The following MLKL variants were observed in gnomAD, a reference collection of about 807,000 sequenced individuals.
The protein encoded by MLKL is mixed lineage kinase domain-like protein.
A neutral mutation model predicts 56.5 loss-of-function variants in MLKL; 55 were observed. That is an observed-to-expected ratio of 0.97 (90% CI 0.78 to 1.22). The LOEUF (loss-of-function observed/expected upper bound fraction) is 1.22, where lower values mean the gene tolerates loss of function less well. Among genes scored for constraint, MLKL ranks in the 50% most tolerant of loss-of-function variants. MLKL has a pLI of 0.00. For missense variants in MLKL, 694 were observed against 573.9 expected (o/e 1.21, Z -2.14); for synonymous variants, 251 against 208.3 (o/e 1.20, Z -1.76).
intron 4 of MLKL, 97 bp from the exon 5 acceptor site, chr16:74,685,680 T>A: frequency 2.3e-6 from 2 of 887,364 alleles, no homozygotes; most frequent in East Asian, 2.6e-5. Flanking sequence ...GGGGCGGGGG[T>A]ATCAGCATCT....
chr16:74,699,136 A>G (rs543212129), intron 1 of MLKL, among the ~76,000 whole-genome samples: 4 of 152,116 alleles, frequency 2.6e-5, no homozygotes, highest in South Asian at 4.1e-4. Flanking sequence ...AAAACAAAAA[A>G]AAAGAAAGAA....
chr16:74,679,657 T>C (rs1334131293), intron 6 of MLKL, among the ~76,000 whole-genome samples: 2 of 151,822 alleles, frequency 1.3e-5, no homozygotes, highest in South Asian at 2.1e-4. Context: ...TTAATAAAAA[T>C]ACAAAAAAAT....
chr16:74,691,551 G>C lies in MLKL; in HGVS notation c.536-88C>G, dbSNP rs1267089340. 11 of 1,398,496 alleles carry C rather than the reference G, an allele frequency of 7.9e-6. No homozygotes were observed. In the East Asian group the frequency reaches 2.5e-4, roughly 32 times the overall value. 86.6% of individuals were successfully genotyped at this position (1,398,496 alleles called of 1,614,324 possible). On this transcript the variant is annotated intron_variant, in intron 3 of 10. Transcript: ENST00000308807. ...GGGAGGTGGCATATTTGTGATGTGT[G>C]AGTGGGAAGCTCTACTACATGAACC...
rs377206903 is a variant in MLKL, at chr16:74,675,690, G to T, written c.1113C>A (p.Val371=). Residue 371 remains valine, a synonymous_variant, in exon 8 of 11, where the codon GTC becomes GTA. Coordinates refer to ENST00000308807, the MANE Select transcript of MLKL (RefSeq NM_152649.4). ...LGTTREKTDR[V]KSTAYLSPQE... Reference sequence around the variant, plus strand: ...GAGGTGAGAGATATGCTGTAGATTTGACTCTGTCTGTCTTTTCTCTCGTAG... The same window carrying T: ...GAGGTGAGAGATATGCTGTAGATTTTACTCTGTCTGTCTTTTCTCTCGTAG... The T allele has an allele frequency of 1.2e-6, 2 of 1,613,626 alleles. No homozygotes were observed. Among genetic ancestry groups the T allele is most frequent in the South Asian group, 1.1e-5 (1 of 91,078 alleles).
At position 74,691,044 on chromosome 16, in the gene MLKL, G is replaced by A. The variant is rs545671888; in HGVS notation, c.722+233C>T. ...GAGCAACTGGGAAACAAGGTTGGAA[G>A]GGAAAGTTGTTTTTTTTTTTTAAAT... On this transcript the variant is annotated intron_variant, in intron 4 of 10. Coordinates refer to ENST00000308807, the MANE Select transcript of MLKL (RefSeq NM_152649.4). Among the ~76,000 whole-genome samples, 98 of 150,112 alleles carry A rather than the reference G, an allele frequency of 6.5e-4. 6 individuals carry two copies. Among genetic ancestry groups the A allele is most frequent in the Non-Finnish European group, 1.6e-4 (11 of 67,572 alleles).
intron 9 of MLKL, 50 bp from the exon 10 acceptor site, chr16:74,675,150 A>G (rs770118184): frequency 5.6e-6 from 9 of 1,604,380 alleles, no homozygotes; most frequent in African/African-American, 1.3e-5. Context: ...CTACTCGTAC[A>G]TCTCTCTGGA....
intron 2 of MLKL, among the ~76,000 whole-genome samples, chr16:74,693,462 AAAAAAAGAAAAG>A (rs1960802838): frequency 1.0e-5 from 1 of 95,514 alleles, no homozygotes; most frequent in Non-Finnish European, 2.1e-5. Context: ...TCAAAAAAAA[AAAAAAAGAAAAG>A]AAAAAAGAAA....
intron 2 of MLKL, among the ~76,000 whole-genome samples, chr16:74,694,535 C>A (rs1214795991): frequency 6.7e-6 from 1 of 150,236 alleles, no homozygotes; most frequent in African/African-American, 2.5e-5. Context: ...GAGGCTGAGG[C>A]AAGAGGATCA....
chr16:74,675,550 T>A (rs1373570570), intron 8 of MLKL, 63 bp downstream of exon 8: 1 of 1,581,768 alleles, frequency 6.3e-7, no homozygotes, highest in East Asian at 2.2e-5. Context: ...CTTGGAGGAG[T>A]TTGATTTGGG....
intron 2 of MLKL, among the ~76,000 whole-genome samples, chr16:74,693,693 C>T (rs1000652809): frequency 1.3e-5 from 2 of 151,450 alleles, no homozygotes; most frequent in African/African-American, 2.4e-5. Context: ...GGCTCCGCCC[C>T]GCGGGGTTCA....
At chr16:74,699,241 T>C (rs1761153894) in intron 1 of MLKL, among the ~76,000 whole-genome samples, 1 of 152,190 alleles carries the variant, frequency 6.6e-6, no homozygotes, top group African/African-American at 2.4e-5. Context: ...CAGCAATCCT[T>C]CCCAAATTTA....
At chr16:74,677,028 G>C (rs2144455716) in intron 7 of MLKL, 2 of 152,088 alleles carry the variant, frequency 1.3e-5, no homozygotes, top group South Asian at 4.2e-4. Flanking sequence ...GGAATGCTTT[G>C]TAGCAAATTT....
rs761041264 is a variant in MLKL at position 74,695,516 on chromosome 16, T to C, written c.242A>G (p.Asn81Ser). 4.0e-5 allele frequency: 65 copies of C among 1,614,082 alleles called. No individual in the cohort carries two copies. Among genetic ancestry groups the C allele is most frequent in the Admixed American group, 6.7e-5 (4 of 60,002 alleles). The change falls in exon 2 of 11, where the codon AAT becomes AGT. Residue 81 changes from asparagine (N) to serine (S), a missense_variant. Physicochemically the swap from Asn to Ser is conservative, Grantham distance 46 (BLOSUM62 1). Transcript: ENST00000308807. The part of the protein sequence containing the change: ...EANGEIEKFS[N>S]RSNICRFLTA... The stretch of plus-strand genomic sequence containing the variant: ...TAGAAACCTGCAGATATTGGATCTA[T>C]TGCTGAACTTTTCTATCTCCCCATT...
chr16:74,689,950 G>A (rs569351076), intron 4 of MLKL, among the ~76,000 whole-genome samples: 7 of 152,260 alleles, frequency 4.6e-5, no homozygotes, highest in African/African-American at 1.7e-4. Flanking sequence ...GGAAAATATA[G>A]AATGCCTTTA....
chr16:74,689,948 T>C (rs1160159847), intron 4 of MLKL, among the ~76,000 whole-genome samples: 1 of 152,148 alleles, frequency 6.6e-6, no homozygotes, highest in Non-Finnish European at 1.5e-5. Flanking sequence ...GAGGAAAATA[T>C]AGAATGCCTT....
At chr16:74,699,841 T>A (rs574156306) in intron 1 of MLKL, among the ~76,000 whole-genome samples, 1 of 152,104 alleles carries the variant, frequency 6.6e-6, no homozygotes, top group Non-Finnish European at 1.5e-5. Flanking sequence ...CTTGGGAGGA[T>A]CTGGTTGGAG....
intron 4 of MLKL, among the ~76,000 whole-genome samples, chr16:74,687,329 G>T (rs1185138145): frequency 1.3e-5 from 2 of 151,994 alleles, no homozygotes; most frequent in Non-Finnish European, 2.9e-5. Context: ...TCTTGAATAG[G>T]AAGACTTTAT....
At chr16:74,699,071 C>G (rs1597523029) in intron 1 of MLKL, among the ~76,000 whole-genome samples, 1 of 152,188 alleles carries the variant, frequency 6.6e-6, no homozygotes, top group South Asian at 2.1e-4. Context: ...CGAGATCACA[C>G]CACTGTGCTC....
chr16:74,697,204 T>C (rs1309977896), intron 1 of MLKL, among the ~76,000 whole-genome samples: 1 of 150,926 alleles, frequency 6.6e-6, no homozygotes, highest in African/African-American at 2.4e-5. Flanking sequence ...TGAACATGAG[T>C]GAGGAAGCAC....
Sources: allele counts gnomAD v4.1 joint callset (sites outside exome capture counted in the v4.1 genomes callset), GRCh38; gene constraint gnomAD v4.1.1; transcripts MANE v1.5; gene names NCBI Gene and HGNC (gene_info 2026-07-23, HGNC 2026-07-21).